Variants in NDST4 observed in about 807,000 individuals in gnomAD.
The protein encoded by NDST4 is N-heparan sulfate sulfotransferase 4.
In NDST4, 63 loss-of-function variants were observed where a neutral mutation model predicts 100.8. The observed-to-expected ratio is 0.62, with a 90% CI of 0.51 to 0.77. The LOEUF is 0.77. Among genes scored for constraint, NDST4 ranks in the 30% least tolerant of loss-of-function variants. The pLI is 0.00. For missense variants in NDST4, 943 were observed against 1,018.4 expected (o/e 0.93, Z 1.01); for synonymous variants, 377 against 361.8 (o/e 1.04, Z -0.48).
intron 2 of NDST4, among the ~76,000 whole-genome samples, chr4:115,041,126 G>A (rs995505479): frequency 1.3e-5 from 2 of 152,028 alleles, no homozygotes; most frequent in Non-Finnish European, 2.9e-5. Context: ...AATGCATAGA[G>A]GCATTGATCA....
intron 2 of NDST4, among the ~76,000 whole-genome samples, chr4:115,026,256 G>A (rs1352712133): frequency 6.6e-6 from 1 of 151,834 alleles, no homozygotes; most frequent in African/African-American, 2.4e-5. Flanking sequence ...GTTATAAGAA[G>A]GAATAATAAT....
At position 114,984,640 on chromosome 4, in the gene NDST4, T is replaced by TA. The variant is rs550952214; in HGVS notation, c.979-7367dup. Among the ~76,000 whole-genome samples, 52 of 152,214 alleles carry TA rather than the reference T, an allele frequency of 3.4e-4. 1 individual carries two copies. The East Asian group carries it at 3.5e-3, about 10-fold the overall frequency. ...ATAACTTATATTTATATTTTCCAGGTAAAAAATATTGCTTTATGGAAAGAT... is the reference window on the plus strand; with the variant it reads ...ATAACTTATATTTATATTTTCCAGGTAAAAAAATATTGCTTTATGGAAAGAT... On this transcript the variant is annotated intron_variant, in intron 2 of 13. Coordinates refer to ENST00000264363, the MANE Select transcript of NDST4 (RefSeq NM_022569.3).
chr4:114,931,323 G>T (rs541785593), intron 6 of NDST4, among the ~76,000 whole-genome samples: 30 of 151,658 alleles, frequency 2.0e-4, no homozygotes, highest in Non-Finnish European at 2.7e-4. Flanking sequence ...AGTAGTGCTA[G>T]AATTTACCAG....
rs145698973 is a variant in NDST4, at chr4:114,941,536, AAG to A, written c.1222-4035_1222-4034del. Among the ~76,000 whole-genome samples, 711 of 152,256 alleles carry A rather than the reference AAG, an allele frequency of 4.7e-3. 4 individuals are homozygous for A. Among genetic ancestry groups the A allele is most frequent in the African/African-American group, 0.017 (687 of 41,544 alleles). The stretch of plus-strand genomic sequence containing the variant: ...GAGTTTCAGCCTTTTAGGAGTACTC[AAG>A]ACCAATTTCAGAAGGCAGTAGGAAG... On this transcript the variant is annotated intron_variant, in intron 4 of 13. Transcript: ENST00000264363.
chr4:114,864,707 A>G (rs1030875730), intron 7 of NDST4, among the ~76,000 whole-genome samples: 1 of 152,180 alleles, frequency 6.6e-6, no homozygotes, highest in Admixed American at 6.5e-5. Context: ...TCGTGTGAGT[A>G]CACTGATCCA....
intron 1 of NDST4, among the ~76,000 whole-genome samples, chr4:115,089,744 A>G (rs1422510579): frequency 6.6e-6 from 1 of 151,930 alleles, no homozygotes; most frequent in East Asian, 1.9e-4. Flanking sequence ...TTGACGTTCA[A>G]TGTTATAATG....
At chr4:114,947,381 G>T (rs1376305921) in intron 4 of NDST4, among the ~76,000 whole-genome samples, 1 of 152,190 alleles carries the variant, frequency 6.6e-6, no homozygotes, top group African/African-American at 2.4e-5. Context: ...CAAGAAGAGT[G>T]AGGGACAACA....
chr4:115,074,425 A>G (rs954795063), intron 2 of NDST4, among the ~76,000 whole-genome samples: 1 of 152,084 alleles, frequency 6.6e-6, no homozygotes, highest in African/African-American at 2.4e-5. Context: ...AACCTTTTGA[A>G]GTAACTGTCC....
chr4:115,062,489 T>C (rs1028660574), intron 2 of NDST4, among the ~76,000 whole-genome samples: 13 of 151,864 alleles, frequency 8.6e-5, no homozygotes, highest in African/African-American at 2.9e-4. Flanking sequence ...CATATTGATA[T>C]ATTTAACTAC....
intron 12 of NDST4, among the ~76,000 whole-genome samples, chr4:114,833,058 A>G (rs1471210952): frequency 6.6e-6 from 1 of 152,212 alleles, no homozygotes; most frequent in Non-Finnish European, 1.5e-5. Flanking sequence ...TTCCTGACCC[A>G]CAGATTCCAT....
intron 4 of NDST4, among the ~76,000 whole-genome samples, chr4:114,945,231 A>AG (rs1725836563): frequency 6.6e-6 from 1 of 151,386 alleles, no homozygotes; most frequent in Non-Finnish European, 1.5e-5. Context: ...AAAAAAAAAA[A>AG]AAGACAAATG....
At chr4:115,086,859 T>G (rs900505984) in intron 1 of NDST4, among the ~76,000 whole-genome samples, 1 of 152,204 alleles carries the variant, frequency 6.6e-6, no homozygotes, top group Non-Finnish European at 1.5e-5. Context: ...ACATGGGGAT[T>G]TTGCAAATAA....
At chr4:114,850,130 G>A (rs1723641578) in intron 8 of NDST4, among the ~76,000 whole-genome samples, 1 of 152,134 alleles carries the variant, frequency 6.6e-6, no homozygotes, top group African/African-American at 2.4e-5. Context: ...ACACAAATGA[G>A]AAAATTGATA....
chr4:115,051,319 A>G (rs1381315976), intron 2 of NDST4, among the ~76,000 whole-genome samples: 4 of 152,020 alleles, frequency 2.6e-5, no homozygotes, highest in Non-Finnish European at 5.9e-5. Context: ...TAGCGGTAAA[A>G]TATACATACA....
In NDST4 at chr4:114,981,906, G is replaced by A. The variant is rs116815792; in HGVS notation, c.979-4632C>T. On this transcript the variant is annotated intron_variant, in intron 2 of 13. Transcript: ENST00000264363. ...TCCCCACATGTTGAAGGTGGGGCTTGGTGGGAGGTGATTGGATTCTGAGGG... is the reference window on the plus strand; with the variant it reads ...TCCCCACATGTTGAAGGTGGGGCTTAGTGGGAGGTGATTGGATTCTGAGGG... Among the ~76,000 whole-genome samples, 1,438 of 152,166 alleles carry A rather than the reference G, an allele frequency of 9.5e-3. 23 individuals are homozygous for A. Among genetic ancestry groups the A allele is most frequent in the African/African-American group, 0.03 (1,235 of 41,476 alleles).
chr4:114,996,340 C>G (rs1369038111), intron 2 of NDST4, among the ~76,000 whole-genome samples: 2 of 151,972 alleles, frequency 1.3e-5, no homozygotes, highest in Non-Finnish European at 2.9e-5. Context: ...TTCCTGAGTC[C>G]CCCCAAATCA....
At chr4:115,006,529 A>G (rs1289471580) in intron 2 of NDST4, among the ~76,000 whole-genome samples, 1 of 152,180 alleles carries the variant, frequency 6.6e-6, no homozygotes, top group African/African-American at 2.4e-5. Flanking sequence ...AGAAGTCAAA[A>G]AGAAGTTGTT....
chr4:114,899,122 A>G (rs1478714899), intron 6 of NDST4, among the ~76,000 whole-genome samples: 1 of 152,078 alleles, frequency 6.6e-6, no homozygotes, highest in African/African-American at 2.4e-5. Flanking sequence ...TTAGTTGGAA[A>G]GCTTCCAGTT....
chr4:114,840,027 G>A (rs1337554089), intron 10 of NDST4, among the ~76,000 whole-genome samples: 5 of 152,156 alleles, frequency 3.3e-5, no homozygotes, highest in African/African-American at 1.2e-4. Context: ...TTGGGCCACT[G>A]TTCCATTACT....
Sources: allele counts gnomAD v4.1 joint callset (sites outside exome capture counted in the v4.1 genomes callset), GRCh38; gene constraint gnomAD v4.1.1; transcripts MANE v1.5; gene names NCBI Gene and HGNC (gene_info 2026-07-23, HGNC 2026-07-21).